The following CNBD1 variants were observed in gnomAD, a reference collection of about 807,000 sequenced individuals.
CNBD1 encodes cyclic nucleotide-binding domain-containing protein 1.
Under a neutral mutation model 54.4 loss-of-function variants are expected in CNBD1, and 71 were observed. The ratio of observed to expected loss-of-function variants is 1.30; its 90% CI spans 1.08 to 1.59. CNBD1 has a LOEUF of 1.59. CNBD1 is among the 40% of genes most tolerant of loss of function. The pLI is 0.00. For synonymous variants in CNBD1, 182 were observed against 170.7 expected (o/e 1.07, Z -0.51); for missense variants, 659 against 518.0 (o/e 1.27, Z -2.64).
intron 4 of CNBD1, among the ~76,000 whole-genome samples, chr8:86,977,707 ACAGAC>A (rs1808373759): frequency 6.6e-6 from 1 of 152,178 alleles, no homozygotes; most frequent in South Asian, 2.1e-4. Flanking sequence ...AGAAAACTGA[ACAGAC>A]CAATAATGAG....
chr8:87,397,371 T>C lies in CNBD1; in HGVS notation c.214-31175T>C, dbSNP rs138996845. Among the ~76,000 whole-genome samples, 998 of 152,010 alleles carry C rather than the reference T, an allele frequency of 6.6e-3. 3 individuals are homozygous for C. The highest frequency in any genetic ancestry group is 0.02 in the South Asian group (95 of 4,826). ...TTGACCCAGTCCTGTAATAAGGCAA[T>C]ATTGATAAACCAAATTATCATTTGT... On this transcript the variant is annotated intron_variant, in intron 2 of 7. Transcript: ENST00000521593.
At chr8:87,102,730 C>T (rs1002468770) in intron 4 of CNBD1, among the ~76,000 whole-genome samples, 11 of 152,086 alleles carry the variant, frequency 7.2e-5, no homozygotes, top group Admixed American at 5.2e-4. Flanking sequence ...TCTCTTGCCT[C>T]GGTGTCCTGA....
chr8:87,320,600 G>A (rs1809502172), intron 8 of CNBD1, among the ~76,000 whole-genome samples: 1 of 140,888 alleles, frequency 7.1e-6, no homozygotes, highest in Non-Finnish European at 1.5e-5. Context: ...GAAAGTGTGT[G>A]TATGTGCACG....
intron 2 of CNBD1, among the ~76,000 whole-genome samples, chr8:87,401,706 T>A (rs1281590725): frequency 2.0e-5 from 3 of 152,060 alleles, no homozygotes; most frequent in African/African-American, 7.2e-5. Flanking sequence ...CAATTAGTTT[T>A]ATTTGGTAAG....
intron 4 of CNBD1, among the ~76,000 whole-genome samples, chr8:87,070,959 G>T (rs985829093): frequency 3.9e-5 from 6 of 151,912 alleles, no homozygotes; most frequent in Non-Finnish European, 8.8e-5. Flanking sequence ...AAATGGGATA[G>T]GATAATGTTT....
At chr8:87,297,964 A>G (rs530231682) in intron 8 of CNBD1, among the ~76,000 whole-genome samples, 2 of 151,590 alleles carry the variant, frequency 1.3e-5, no homozygotes, top group East Asian at 1.9e-4. Flanking sequence ...TATTCTATAT[A>G]TCTATATCTA....
chr8:87,333,607 G>T (rs1180436908), intron 8 of CNBD1, among the ~76,000 whole-genome samples: 1 of 152,046 alleles, frequency 6.6e-6, no homozygotes, highest in Non-Finnish European at 1.5e-5. Context: ...TTTATTGAAG[G>T]CCTTTTCTGT....
chr8:87,067,925 T>A (rs1810687086), intron 4 of CNBD1, among the ~76,000 whole-genome samples: 1 of 152,016 alleles, frequency 6.6e-6, no homozygotes, highest in Non-Finnish European at 1.5e-5. Context: ...CTAAGAGTAG[T>A]TAGCACTTGA....
chr8:87,422,073 T>C (rs150119770), intron 2 of CNBD1, among the ~76,000 whole-genome samples: 135,847 of 138,380 alleles, frequency 0.98, 66,723 homozygotes, highest in East Asian at 1. Flanking sequence ...TAAATGTCTT[T>C]GTTTGAGAAG....
At position 86,989,107 on chromosome 8, in the gene CNBD1, C is replaced by T. The variant is rs996512908; in HGVS notation, c.431+49353C>T. Among the ~76,000 whole-genome samples the T allele has an allele frequency of 6.6e-5, 10 of 151,928 alleles. 1 individual carries two copies. Among genetic ancestry groups the T allele is most frequent in the Non-Finnish European group, 1.5e-5 (1 of 68,002 alleles). On this transcript the variant is annotated intron_variant, in intron 4 of 10. Transcript: ENST00000518476. The stretch of plus-strand genomic sequence containing the variant: ...GCAACATAGTGAGATTGTGACTCTA[C>T]TAAACATTAAAAAAATCAGCCAGGC...
At chr8:87,231,551 G>C (rs1356469476) in intron 5 of CNBD1, among the ~76,000 whole-genome samples, 1 of 152,146 alleles carries the variant, frequency 6.6e-6, no homozygotes, top group Non-Finnish European at 1.5e-5. Context: ...GTTATAATAT[G>C]TTTAGAATAG....
At chr8:87,281,691 G>A (rs188228274) in intron 6 of CNBD1, among the ~76,000 whole-genome samples, 58 of 148,996 alleles carry the variant, frequency 3.9e-4, no homozygotes, top group African/African-American at 1.2e-3. Flanking sequence ...TAGGAGATGC[G>A]TTTCTGGGTA....
chr8:86,980,938 A>T (rs957144959), intron 4 of CNBD1, among the ~76,000 whole-genome samples: 2 of 152,202 alleles, frequency 1.3e-5, no homozygotes, highest in African/African-American at 4.8e-5. Flanking sequence ...TGCAGAACTT[A>T]ATACACATAT....
At position 87,105,199 on chromosome 8, in the gene CNBD1, G is replaced by A. The variant is rs77472642; in HGVS notation, c.432-100794G>A. On this transcript the variant is annotated intron_variant, in intron 4 of 10. Coordinates refer to ENST00000518476, the MANE Select transcript of CNBD1 (RefSeq NM_173538.3). ...AAATTGTGAAATACCAGTTAGCTTA[G>A]GATAACTTTATCATCTTTGAAAATG... Among the ~76,000 whole-genome samples, 1,185 of 152,114 alleles carry A rather than the reference G, an allele frequency of 7.8e-3. 15 individuals are homozygous for A. Among genetic ancestry groups the A allele is most frequent in the African/African-American group, 0.028 (1,142 of 41,480 alleles).
At chr8:87,420,928 C>G (rs1807922724) in intron 2 of CNBD1, among the ~76,000 whole-genome samples, 1 of 151,978 alleles carries the variant, frequency 6.6e-6, no homozygotes, top group South Asian at 2.1e-4. Context: ...GTGGAGTAAG[C>G]TTTCAATAAA....
chr8:87,337,633 G>T (rs143378397), intron 8 of CNBD1, among the ~76,000 whole-genome samples: 5 of 151,352 alleles, frequency 3.3e-5, no homozygotes, highest in Non-Finnish European at 7.4e-5. Context: ...CAATCTGTTG[G>T]TTGCACACTT....
intron 4 of CNBD1, among the ~76,000 whole-genome samples, chr8:87,029,108 G>T (rs1809723033): frequency 6.6e-6 from 1 of 152,148 alleles, no homozygotes; most frequent in Non-Finnish European, 1.5e-5. Context: ...TCAATAGAAG[G>T]TGATTTGGGA....
chr8:87,061,874 A>T (rs1361943192), intron 4 of CNBD1, among the ~76,000 whole-genome samples: 16 of 152,220 alleles, frequency 1.1e-4, no homozygotes. Context: ...AGGCGTCTCC[A>T]TAATTATTCT....
At chr8:86,969,791 T>TACACACACAC (rs371222397) in intron 4 of CNBD1, among the ~76,000 whole-genome samples, 7 of 53,750 alleles carry the variant, frequency 1.3e-4, no homozygotes, top group Non-Finnish European at 2.5e-4. Flanking sequence ...TATATATATA[T>TACACACACAC]ATACACACAC....
Sources: gnomAD v4.1 joint callset for allele counts (sites outside exome capture counted in the v4.1 genomes callset) on GRCh38, gnomAD v4.1.1 for gene constraint, MANE v1.5 for transcripts, NCBI Gene and HGNC (gene_info 2026-07-23, HGNC 2026-07-21) for gene names.